Variants in PDE4D observed in about 807,000 individuals in gnomAD.
PDE4D encodes 3',5'-cyclic-AMP phosphodiesterase 4D.
A neutral mutation model predicts 87.4 loss-of-function variants in PDE4D; 24 were observed. That is an observed-to-expected ratio of 0.27 (90% confidence interval 0.20 to 0.39). The LOEUF is 0.39. PDE4D is among the 10% of genes least tolerant of loss of function. The pLI, the probability that PDE4D is intolerant of heterozygous loss-of-function variation, is 1.00. For missense variants in PDE4D, 714 were observed against 1,041.0 expected, an observed-to-expected ratio of 0.69 and a Z score of 4.32; for synonymous variants, 384 against 383.2, an observed-to-expected ratio of 1.00 and a Z score of -0.02.
intron 5 of PDE4D, among the ~76,000 whole-genome samples, chr5:59,147,483 G>C (rs1778841556): frequency 6.6e-6 from 1 of 152,092 alleles, no homozygotes. Context: ...AAAATTCATT[G>C]CTTGACAAAG....
At chr5:59,139,550 C>T (rs972577926) in intron 5 of PDE4D, among the ~76,000 whole-genome samples, 1 of 152,136 alleles carries the variant, frequency 6.6e-6, no homozygotes, top group African/African-American at 2.4e-5. Flanking sequence ...TGCAGTGGAG[C>T]AATCACGGCT....
chr5:59,919,665 A>G (rs1210265174), intron 3 of PDE4D, among the ~76,000 whole-genome samples: 1 of 152,166 alleles, frequency 6.6e-6, no homozygotes, highest in East Asian at 1.9e-4. Context: ...ATCATGCACC[A>G]TCTGTTCCTT....
rs116189733 is a variant in PDE4D, at chr5:59,301,806, G to C, written c.456-85838C>G. Among the ~76,000 whole-genome samples the C allele has an allele frequency of 1.7e-3, 263 of 152,190 alleles. 1 individual carries two copies. Among genetic ancestry groups the C allele is most frequent in the African/African-American group, 5.8e-3 (240 of 41,546 alleles). ...CCCAAGGAATGTCAGGCAACAGTCA[G>C]GTGACTGTCATGCAATTGTCAGGGG... is the stretch of plus-strand genomic sequence containing the variant. On this transcript the variant is annotated intron_variant, in intron 1 of 14. Coordinates refer to ENST00000340635, the MANE Select transcript of PDE4D (RefSeq NM_001104631.2).
chr5:59,454,779 G>A (rs1022769787), intron 1 of PDE4D, among the ~76,000 whole-genome samples: 1 of 152,198 alleles, frequency 6.6e-6, no homozygotes, highest in African/African-American at 2.4e-5. Context: ...TGCTGACAGT[G>A]ATATGAACAA....
intron 1 of PDE4D, among the ~76,000 whole-genome samples, chr5:59,661,209 T>C (rs1357396508): frequency 1.3e-5 from 2 of 151,958 alleles, no homozygotes; most frequent in Admixed American, 6.6e-5. Flanking sequence ...GCAATATAAA[T>C]AATATTTCTA....
intron 1 of PDE4D, among the ~76,000 whole-genome samples, chr5:59,456,416 C>T (rs778583921): frequency 1.2e-4 from 19 of 152,144 alleles, no homozygotes; most frequent in East Asian, 1.9e-4. Context: ...CCTTGCCCTC[C>T]GCCATGACTG....
At chr5:59,877,920 C>T (rs1748855934) in intron 1 of PDE4D, among the ~76,000 whole-genome samples, 1 of 151,998 alleles carries the variant, frequency 6.6e-6, no homozygotes, top group African/African-American at 2.4e-5. Flanking sequence ...TCCCCAAACT[C>T]ACCCCTCAAC....
intron 1 of PDE4D, among the ~76,000 whole-genome samples, chr5:59,756,090 T>C (rs1430076143): frequency 2.0e-5 from 3 of 151,982 alleles, no homozygotes; most frequent in African/African-American, 7.2e-5. Context: ...ATTATTTTAG[T>C]TCTTCTGAAG....
intron 2 of PDE4D, among the ~76,000 whole-genome samples, chr5:60,159,952 A>G (rs1352334322): frequency 6.6e-6 from 1 of 152,184 alleles, no homozygotes; most frequent in African/African-American, 2.4e-5. Context: ...ATCCTTAAAC[A>G]ACATGGGCTT....
chr5:60,446,061 T>C (rs1006747599), intron 1 of PDE4D, among the ~76,000 whole-genome samples: 1 of 152,116 alleles, frequency 6.6e-6, no homozygotes, highest in Non-Finnish European at 1.5e-5. Flanking sequence ...CCAACCTCAC[T>C]AGTGACTTAA....
At chr5:60,225,278 T>C (rs1437851830) in intron 1 of PDE4D, among the ~76,000 whole-genome samples, 2 of 152,072 alleles carry the variant, frequency 1.3e-5, no homozygotes, top group Non-Finnish European at 1.5e-5. Context: ...CTGAATGAAT[T>C]TTCTTACTTG....
chr5:59,839,206 C>T (rs1742600320), intron 1 of PDE4D, among the ~76,000 whole-genome samples: 1 of 151,602 alleles, frequency 6.6e-6, no homozygotes, highest in South Asian at 2.1e-4. Flanking sequence ...CTGGTGGTCA[C>T]TGGAGTTCTC....
chr5:59,769,814 A>G (rs932865889), intron 1 of PDE4D, among the ~76,000 whole-genome samples: 6 of 149,336 alleles, frequency 4.0e-5, no homozygotes, highest in Middle Eastern at 3.2e-3. Flanking sequence ...AAACCCAATA[A>G]CTTAGGGAGC....
chr5:60,455,896 C>T (rs1430983824), intron 1 of PDE4D, among the ~76,000 whole-genome samples: 1 of 152,144 alleles, frequency 6.6e-6, no homozygotes, highest in Non-Finnish European at 1.5e-5. Flanking sequence ...TAAATGGTTT[C>T]CCACTGGAGA....
At chr5:59,955,738 C>T (rs1029318415) in intron 3 of PDE4D, among the ~76,000 whole-genome samples, 2 of 152,088 alleles carry the variant, frequency 1.3e-5, no homozygotes, top group Non-Finnish European at 1.5e-5. Flanking sequence ...TGCTTTTATC[C>T]CGGTTACACA....
intron 1 of PDE4D, among the ~76,000 whole-genome samples, chr5:59,704,190 T>C (rs7703935): frequency 0.069 from 10,507 of 152,226 alleles, 1,116 homozygotes; most frequent in African/African-American, 0.23. Context: ...CACAATATTA[T>C]GTAGGTGACA....
chr5:59,316,058 A>G (rs1773655610), intron 1 of PDE4D, among the ~76,000 whole-genome samples: 1 of 152,104 alleles, frequency 6.6e-6, no homozygotes, highest in Non-Finnish European at 1.5e-5. Context: ...TCTGTCTCTC[A>G]GCTGAATTTT....
In PDE4D at chr5:59,997,692, T is replaced by C. The variant is rs554737876; in HGVS notation, c.43-8975A>G. Among the ~76,000 whole-genome samples, 40 of 152,316 alleles carry C rather than the reference T, an allele frequency of 2.6e-4. 1 individual carries two copies. Among genetic ancestry groups the C allele is most frequent in the African/African-American group, 8.9e-4 (37 of 41,582 alleles). Reference sequence around the variant, plus strand: ...CAAAATATCCCCTTGATAAACAAACTATGGATCAAAAGAATGTTTATATTA... The same window carrying C: ...CAAAATATCCCCTTGATAAACAAACCATGGATCAAAAGAATGTTTATATTA... On this transcript the variant is annotated intron_variant, in intron 2 of 16. Coordinates refer to the PDE4D transcript ENST00000502484.
chr5:60,311,238 T>A (rs1458037693), intron 1 of PDE4D, among the ~76,000 whole-genome samples: 2 of 152,166 alleles, frequency 1.3e-5, no homozygotes, highest in African/African-American at 4.8e-5. Flanking sequence ...GTCAGTCTGG[T>A]CTCGAACTCC....
Sources: allele counts gnomAD v4.1 joint callset (sites outside exome capture counted in the v4.1 genomes callset), GRCh38; gene constraint gnomAD v4.1.1; transcripts MANE v1.5; gene names NCBI Gene and HGNC (gene_info 2026-07-23, HGNC 2026-07-21).